Variants in ZZZ3 observed in about 807,000 individuals in gnomAD.
ZZZ3 encodes the protein zinc finger ZZ-type containing 3, also known as ZZ-type zinc finger-containing protein 3.
Under a neutral mutation model 95.2 loss-of-function variants are expected in ZZZ3, and 22 were observed. The ratio of observed to expected loss-of-function variants is 0.23; its 90% CI spans 0.17 to 0.33. ZZZ3 has a LOEUF of 0.33. Ranked by LOEUF, ZZZ3 falls within the 10% of genes least tolerant of loss-of-function variation. ZZZ3 has a pLI of 1.00. For synonymous variants in ZZZ3, 335 were observed against 358.9 expected, an observed-to-expected ratio of 0.93 and a Z score of 0.75; for missense variants, 885 against 1,066.5, an observed-to-expected ratio of 0.83 and a Z score of 2.37.
At chr1:77,571,114 C>G (rs1272651539) in intron 12 of ZZZ3, among the ~76,000 whole-genome samples, 1 of 151,694 alleles carries the variant, frequency 6.6e-6, no homozygotes, top group African/African-American at 2.4e-5. Flanking sequence ...TAGTAAGACA[C>G]GTCTTAATGA....
Position 77,632,542 on chromosome 1 carries a change from T to C in ZZZ3, c.813A>G (p.Ser271=), listed in dbSNP as rs202065578. The C allele has an allele frequency of 6.2e-7, 1 of 1,614,172 alleles. No individual in the cohort carries two copies. Among genetic ancestry groups the C allele is most frequent in the South Asian group, 1.1e-5 (1 of 91,086 alleles). The change falls in exon 5 of 15, where the codon TCA becomes TCG. Residue 271 remains serine (S), a synonymous_variant. Transcript: ENST00000370801. The part of the protein sequence containing the change: ...YIDHKVPCTD[S]QVQVKLEDHK... Reference sequence around the variant, plus strand: ...GGTCCTCCAACTTGACCTGCACTTGTGAATCTGTGCAAGGCACCTTATGGT... The same window carrying C: ...GGTCCTCCAACTTGACCTGCACTTGCGAATCTGTGCAAGGCACCTTATGGT...
In ZZZ3 at chr1:77,566,162, T is replaced by C. The variant is rs1660803902; in HGVS notation, c.2486A>G (p.Glu829Gly). 1 of 1,612,146 alleles carries C rather than the reference T, an allele frequency of 6.2e-7. No individual in the cohort carries two copies. The highest frequency in any genetic ancestry group is 8.5e-7 in the Non-Finnish European group (1 of 1,178,758). ...ATGCCACCGAACACCCTGGATGGGT[T>C]CTATGCCACAGTTATCACACTATAA... is the stretch of plus-strand genomic sequence containing the variant. Reference protein sequence around the residue: ...VGFKCDNCGIEPIQGVRWHCQ... With the variant: ...VGFKCDNCGIGPIQGVRWHCQ... The change falls in exon 14 of 15, where the codon GAA becomes GGA. Residue 829 changes from glutamate (E) to glycine (G), a missense_variant. Glu to Gly is a moderately conservative substitution (Grantham distance 98). Transcript: ENST00000370801.
At chr1:77,660,806 T>G (rs991577371) in intron 1 of ZZZ3, among the ~76,000 whole-genome samples, 1 of 152,184 alleles carries the variant, frequency 6.6e-6, no homozygotes, top group African/African-American at 2.4e-5. Context: ...TCTCTACACT[T>G]CATACTACCA....
intron 12 of ZZZ3, among the ~76,000 whole-genome samples, chr1:77,570,105 T>C (rs940126630): frequency 6.6e-6 from 1 of 152,040 alleles, no homozygotes; most frequent in African/African-American, 2.4e-5. Context: ...TCAGTTTTTC[T>C]TTTTTTTCTT....
intron 11 of ZZZ3, 74 bp downstream of exon 11, chr1:77,578,700 G>T: frequency 1.2e-6 from 1 of 841,380 alleles, no homozygotes; most frequent in Non-Finnish European, 1.7e-6. Context: ...TCTGTCAAAT[G>T]TGTAGATTTT....
intron 9 of ZZZ3, 100 bp from the exon 10 acceptor site, chr1:77,579,728 C>T (rs1270231961): frequency 4.2e-6 from 3 of 718,658 alleles, no homozygotes; most frequent in Non-Finnish European, 6.7e-6. Context: ...AAATGTAATA[C>T]TCTCTCCCAC....
intron 1 of ZZZ3, among the ~76,000 whole-genome samples, chr1:77,654,807 T>C (rs978634931): frequency 2.0e-5 from 3 of 152,206 alleles, no homozygotes; most frequent in Middle Eastern, 6.8e-3. Flanking sequence ...TTGTGGAAAA[T>C]AAATTTCTTC....
At chr1:77,574,301 CAAAG>C (rs1661714394) in intron 12 of ZZZ3, among the ~76,000 whole-genome samples, 1 of 151,516 alleles carries the variant, frequency 6.6e-6, no homozygotes, top group Non-Finnish European at 1.5e-5. Context: ...CAGTGTGAGA[CAAAG>C]GAAGTAAGTA....
rs1667929730 is a variant in ZZZ3 at position 77,632,771 on chromosome 1, T to C, written c.584A>G (p.Glu195Gly). Reference sequence around the variant, plus strand: ...ATTGACAGCCAAATAGCCTGTGATTTCTTCAACTACTGCAGAATTAAGTGG... The same window carrying C: ...ATTGACAGCCAAATAGCCTGTGATTCCTTCAACTACTGCAGAATTAAGTGG... Reference protein sequence around the residue: ...EGPLNSAVVEEITGYLAVNGV... With the variant: ...EGPLNSAVVEGITGYLAVNGV... Residue 195 changes from glutamate to glycine, a missense_variant, in exon 5 of 15, where the codon GAA becomes GGA. Physicochemically the swap from Glu to Gly is moderately conservative, Grantham distance 98. Coordinates refer to ENST00000370801, the MANE Select transcript of ZZZ3 (RefSeq NM_015534.6). 1 of 1,614,092 alleles carries C rather than the reference T, an allele frequency of 6.2e-7. No homozygotes were observed. Among genetic ancestry groups the C allele is most frequent in the Non-Finnish European group, 8.5e-7 (1 of 1,180,050 alleles).
chr1:77,624,241 G>C (rs965450299), intron 5 of ZZZ3, among the ~76,000 whole-genome samples: 1 of 152,088 alleles, frequency 6.6e-6, no homozygotes, highest in African/African-American at 2.4e-5. Context: ...ACAATTTCCT[G>C]AGTGACAGGA....
At chr1:77,654,026 A>C (rs1358106415) in intron 1 of ZZZ3, among the ~76,000 whole-genome samples, 1 of 151,732 alleles carries the variant, frequency 6.6e-6, no homozygotes, top group Non-Finnish European at 1.5e-5. Context: ...GTCTCTACTA[A>C]AAATACAAAA....
intron 12 of ZZZ3, among the ~76,000 whole-genome samples, chr1:77,573,257 T>G (rs969523187): frequency 6.6e-6 from 1 of 151,062 alleles, no homozygotes; most frequent in African/African-American, 2.4e-5. Context: ...GTAGCTGAGA[T>G]TACAGGCATG....
Position 77,632,886 on chromosome 1 carries a change from A to C in ZZZ3, c.469T>G (p.Phe157Val). Residue 157 changes from phenylalanine to valine, a missense_variant, in exon 5 of 15, where the codon TTT (phenylalanine) becomes GTT (valine). Coordinates refer to ENST00000370801, the MANE Select transcript of ZZZ3 (RefSeq NM_015534.6). ...RSTVVDNDAD[F>V]QGTKRACRCL... ...CGACAAGCTCGTTTAGTCCCTTGAA[A>C]ATCTGCATCATTGTCCACTACTGTA... 6.2e-7 allele frequency: 1 copy of C among 1,614,140 alleles called. No individual in the cohort carries two copies. The highest frequency in any genetic ancestry group is 1.3e-5 in the African/African-American group (1 of 75,046).
intron 5 of ZZZ3, among the ~76,000 whole-genome samples, chr1:77,589,543 T>C (rs919041006): frequency 6.6e-6 from 1 of 151,912 alleles, no homozygotes; most frequent in African/African-American, 2.4e-5. Context: ...GCTAAAGTGA[T>C]CCTCTCGCCT....
At chr1:77,663,360 C>T (rs1670982765) in intron 1 of ZZZ3, among the ~76,000 whole-genome samples, 1 of 152,012 alleles carries the variant, frequency 6.6e-6, no homozygotes, top group South Asian at 2.1e-4. Flanking sequence ...CTGGTGGTAT[C>T]CTGGATCTAA....
chr1:77,568,993 C>T (rs1009501304), intron 12 of ZZZ3, among the ~76,000 whole-genome samples: 10 of 152,254 alleles, frequency 6.6e-5, no homozygotes, highest in Middle Eastern at 3.4e-3. Flanking sequence ...GTTACAAAGA[C>T]GACTATTTAG....
chr1:77,643,690 G>A (rs756525887), intron 1 of ZZZ3, among the ~76,000 whole-genome samples: 1 of 152,154 alleles, frequency 6.6e-6, no homozygotes, highest in Non-Finnish European at 1.5e-5. Context: ...TAGATTACGT[G>A]ATCTCAGATT....
At chr1:77,593,926 C>A (rs983149722) in intron 5 of ZZZ3, among the ~76,000 whole-genome samples, 1 of 152,034 alleles carries the variant, frequency 6.6e-6, no homozygotes, top group African/African-American at 2.4e-5. Context: ...TGAAAATGGA[C>A]AAAATGGATA....
At position 77,591,036 on chromosome 1, in the gene ZZZ3, G is replaced by A. The variant is rs189962861; in HGVS notation, c.1506-6381C>T. On this transcript the variant is annotated intron_variant, in intron 5 of 14. Coordinates refer to ENST00000370801, the MANE Select transcript of ZZZ3 (RefSeq NM_015534.6). ...ATACTTTTCCTAAATAAAAACCAAG[G>A]AACAAAAAGTCTTCATTATACTTTG... is the stretch of plus-strand genomic sequence containing the variant. 1.2e-4 allele frequency among the ~76,000 whole-genome samples: 18 copies of A among 152,124 alleles called. No homozygotes were observed. The East Asian group carries it at 3.1e-3, about 26-fold the overall frequency.
Sources: allele counts gnomAD v4.1 joint callset (sites outside exome capture counted in the v4.1 genomes callset), GRCh38; gene constraint gnomAD v4.1.1; transcripts MANE v1.5; gene names NCBI Gene and HGNC (gene_info 2026-07-23, HGNC 2026-07-21).